The following MTMR3 variants were observed in gnomAD, a reference collection of about 807,000 sequenced individuals.
MTMR3 encodes the protein phosphatidylinositol-3,5-bisphosphate 3-phosphatase MTMR3.
Under a neutral mutation model 132.4 loss-of-function variants are expected in MTMR3, and 32 were observed. That is an observed-to-expected ratio of 0.24 (90% CI 0.18 to 0.32). The LOEUF is 0.32. MTMR3 is among the 10% of genes least tolerant of loss of function. The pLI, the probability that MTMR3 is intolerant of heterozygous loss-of-function variation, is 1.00. For missense variants in MTMR3, 1,216 were observed against 1,489.6 expected (o/e 0.82, Z 3.02); for synonymous variants, 556 against 550.3 (o/e 1.01, Z -0.14).
chr22:29,889,828 G>A (rs184865820), intron 1 of MTMR3, among the ~76,000 whole-genome samples: 1 of 151,566 alleles, frequency 6.6e-6, no homozygotes, highest in Non-Finnish European at 1.5e-5. Context: ...TTCTCTTAAA[G>A]CAGTACTGTG....
intron 7 of MTMR3, chr22:29,996,124 A>G (rs1368952632): frequency 1.3e-5 from 2 of 152,150 alleles, no homozygotes; most frequent in Non-Finnish European, 2.9e-5. Context: ...CAGAGGGAAA[A>G]CCCGGTCTCT....
intron 8 of MTMR3, 73 bp from the exon 9 acceptor site, chr22:30,002,807 C>A: frequency 1.1e-6 from 1 of 898,126 alleles, no homozygotes; most frequent in Non-Finnish European, 1.7e-6. Flanking sequence ...CACCTAGTGT[C>A]TCTCTCTCTC....
At chr22:29,897,709 C>G (rs997330892) in intron 1 of MTMR3, among the ~76,000 whole-genome samples, 2 of 152,144 alleles carry the variant, frequency 1.3e-5, no homozygotes, top group African/African-American at 4.8e-5. Flanking sequence ...CTTGGCCCCC[C>G]AAAGGGCTGG....
chr22:29,907,259 G>A (rs903298982), intron 1 of MTMR3, among the ~76,000 whole-genome samples: 4 of 151,812 alleles, frequency 2.6e-5, no homozygotes, highest in East Asian at 1.9e-4. Flanking sequence ...AAAATTAGCC[G>A]GGCGTCGTCG....
intron 1 of MTMR3, among the ~76,000 whole-genome samples, chr22:29,948,782 A>G (rs73162756): frequency 0.013 from 1,838 of 141,510 alleles, 18 homozygotes; most frequent in Non-Finnish European, 0.021. Context: ...ATGAAATAAT[A>G]AAAACATATT....
At chr22:29,970,563 A>G (rs1244122247) in intron 2 of MTMR3, among the ~76,000 whole-genome samples, 2 of 144,386 alleles carry the variant, frequency 1.4e-5, no homozygotes, top group East Asian at 4.0e-4. Context: ...GCTGGTCTCA[A>G]ACTTCTGAGC....
intron 1 of MTMR3, among the ~76,000 whole-genome samples, chr22:29,940,136 C>T (rs1202163243): frequency 2.0e-5 from 3 of 152,080 alleles, no homozygotes; most frequent in African/African-American, 7.2e-5. Flanking sequence ...GGCGTGGTGG[C>T]GGGCGACTGT....
chr22:29,979,108 A>T, intron 5 of MTMR3, 56 bp downstream of exon 5: 3 of 1,163,342 alleles, frequency 2.6e-6, no homozygotes, highest in Non-Finnish European at 3.9e-6. Context: ...TAAGTCAAAA[A>T]ACTTAATGCT....
intron 2 of MTMR3, among the ~76,000 whole-genome samples, chr22:29,967,980 T>G (rs1274012229): frequency 6.6e-6 from 1 of 152,144 alleles, no homozygotes; most frequent in Non-Finnish European, 1.5e-5. Context: ...ACATTTTGTT[T>G]GTCCATTCAT....
At chr22:29,890,004 T>C (rs2064763635) in intron 1 of MTMR3, among the ~76,000 whole-genome samples, 1 of 150,776 alleles carries the variant, frequency 6.6e-6, no homozygotes, top group Non-Finnish European at 1.5e-5. Flanking sequence ...CCTCCCGGGT[T>C]CAAGCGATTC....
intron 2 of MTMR3, among the ~76,000 whole-genome samples, chr22:29,965,399 A>G (rs969278513): frequency 2.5e-4 from 38 of 152,160 alleles, no homozygotes; most frequent in Non-Finnish European, 1.5e-4. Flanking sequence ...TTCTGTACTC[A>G]TTAAAAAATT....
Position 30,007,727 on chromosome 22 carries a change from A to G in MTMR3, c.878-174A>G, listed in dbSNP as rs925134595. 1.1e-4 allele frequency: 80 copies of G among 734,736 alleles called. 1 individual carries two copies. Among genetic ancestry groups the G allele is most frequent in the Admixed American group, 1.1e-3 (36 of 33,292 alleles). The allele number at this position is 734,736 out of a possible 1,614,324, so 45.5% of individuals were successfully genotyped here. On this transcript the variant is annotated intron_variant, in intron 10 of 19. Transcript: ENST00000401950. ...GGAGAATAAATCCTTCTCATCTTTC[A>G]TAAGAAGGCCACATAGAAAAAAAGA...
chr22:30,013,265 A>C (rs2067481750), intron 13 of MTMR3, 91 bp from the exon 14 acceptor site: 5 of 1,376,614 alleles, frequency 3.6e-6, no homozygotes. Flanking sequence ...GGAGGCTGTT[A>C]GAGGGGATTG....
chr22:29,887,475 T>C (rs2145695777), intron 1 of MTMR3, among the ~76,000 whole-genome samples: 1 of 152,308 alleles, frequency 6.6e-6, no homozygotes, highest in South Asian at 2.1e-4. Context: ...GTAAACCTAG[T>C]CTGTATTGTC....
chr22:30,017,772 G>C, intron 15 of MTMR3, 155 bp from the exon 16 acceptor site: 1 of 859,824 alleles, frequency 1.2e-6, no homozygotes, highest in Non-Finnish European at 1.8e-6. Context: ...TGGTCCTCTT[G>C]GGATAGACCT....
intron 1 of MTMR3, among the ~76,000 whole-genome samples, chr22:29,920,496 A>G (rs1389623372): frequency 6.6e-6 from 1 of 152,128 alleles, no homozygotes; most frequent in Non-Finnish European, 1.5e-5. Context: ...ACCTGAAAGA[A>G]TTTGTGGTAT....
chr22:29,951,059 G>A (rs2066069105), intron 1 of MTMR3, among the ~76,000 whole-genome samples: 1 of 152,032 alleles, frequency 6.6e-6, no homozygotes, highest in Non-Finnish European at 1.5e-5. Flanking sequence ...GCTGAGGCAG[G>A]AGAATTGCTT....
chr22:29,979,137 A>G lies in MTMR3; in HGVS notation c.210+85A>G, dbSNP rs752827488. ...TAATGCTCTCAAAGAGAGGAGAGGC[A>G]TACAGAATTGGGAGAGAAAGCATTA... On this transcript the variant is annotated intron_variant, in intron 5 of 19. Transcript: ENST00000401950. 1.2e-5 allele frequency: 11 copies of G among 898,264 alleles called. No homozygotes were observed. The Middle Eastern group carries it at 1.1e-3, about 93-fold the overall frequency. The allele number at this position is 898,264 out of a possible 1,614,324, so 55.6% of individuals were successfully genotyped here.
At chr22:29,890,588 G>A (rs1375258383) in intron 1 of MTMR3, among the ~76,000 whole-genome samples, 9 of 152,074 alleles carry the variant, frequency 5.9e-5, no homozygotes, top group African/African-American at 1.4e-4. Context: ...TACTCAAGAT[G>A]CCCTTTAGAT....
Sources: gnomAD v4.1 joint callset for allele counts (sites outside exome capture counted in the v4.1 genomes callset) on GRCh38, gnomAD v4.1.1 for gene constraint, MANE v1.5 for transcripts, NCBI Gene and HGNC (gene_info 2026-07-23, HGNC 2026-07-21) for gene names.